The following TBL1XR1 variants were observed in gnomAD, a reference collection of about 807,000 sequenced individuals.
TBL1XR1 encodes the protein TBL1X/Y related 1, also known as F-box-like/WD repeat-containing protein TBL1XR1.
A neutral mutation model predicts 66.9 loss-of-function variants in TBL1XR1; 5 were observed. That is an observed-to-expected ratio of 0.07 (90% confidence interval 0.04 to 0.16). TBL1XR1 has a LOEUF of 0.16. TBL1XR1 is among the 10% of genes least tolerant of loss of function. The pLI, the probability that TBL1XR1 is intolerant of heterozygous loss-of-function variation, is 1.00. For synonymous variants in TBL1XR1, 210 were observed against 206.0 expected (o/e 1.02, Z -0.17); for missense variants, 238 against 623.2 (o/e 0.38, Z 6.58).
At chr3:177,105,394 T>G (rs1208526086) in intron 1 of TBL1XR1, among the ~76,000 whole-genome samples, 1 of 151,996 alleles carries the variant, frequency 6.6e-6, no homozygotes, top group Non-Finnish European at 1.5e-5. Flanking sequence ...GCAACGAAGA[T>G]CTAAGAAATA....
chr3:177,159,102 G>T lies in TBL1XR1; in HGVS notation c.-122+38019C>A, dbSNP rs148946398. On this transcript the variant is annotated intron_variant, in intron 1 of 15. Coordinates refer to ENST00000457928, the MANE Select transcript of TBL1XR1 (RefSeq NM_024665.7). ...GAATTTTTTATTTTTAATTCCTGCA[G>T]TGGTAAAGACAGTTTTTACTTATGT... Among the ~76,000 whole-genome samples the T allele has an allele frequency of 4.0e-3, 615 of 152,044 alleles. 5 individuals are homozygous for T. The highest frequency in any genetic ancestry group is 6.4e-3 in the Non-Finnish European group (435 of 67,998).
chr3:177,097,765 T>C (rs576709257), intron 2 of TBL1XR1, among the ~76,000 whole-genome samples: 2 of 152,150 alleles, frequency 1.3e-5, no homozygotes, highest in South Asian at 4.2e-4. Context: ...TGGACAAAAA[T>C]AGAAGAGCAA....
intron 4 of TBL1XR1, among the ~76,000 whole-genome samples, chr3:177,052,338 CA>C (rs1026942967): frequency 6.6e-6 from 1 of 152,142 alleles, no homozygotes; most frequent in Non-Finnish European, 1.5e-5. Flanking sequence ...GTCAGAAATA[CA>C]AACAGTACAA....
chr3:177,112,199 C>G (rs1428860729), intron 1 of TBL1XR1, among the ~76,000 whole-genome samples: 6 of 146,296 alleles, frequency 4.1e-5, no homozygotes, highest in Non-Finnish European at 9.0e-5. Flanking sequence ...CCTGCGTCTC[C>G]CGGGTTCAAG....
intron 1 of TBL1XR1, among the ~76,000 whole-genome samples, chr3:177,131,197 G>A (rs546961699): frequency 1.3e-5 from 2 of 151,986 alleles, no homozygotes; most frequent in South Asian, 2.1e-4. Flanking sequence ...GTCAAGCGTA[G>A]GAGACACTTC....
At chr3:177,159,010 A>C (rs1731847642) in intron 1 of TBL1XR1, among the ~76,000 whole-genome samples, 1 of 152,188 alleles carries the variant, frequency 6.6e-6, no homozygotes, top group African/African-American at 2.4e-5. Flanking sequence ...TTAGCATTCA[A>C]AGAGCCTCAA....
At chr3:177,165,559 A>C (rs1248420585) in intron 1 of TBL1XR1, among the ~76,000 whole-genome samples, 2 of 152,186 alleles carry the variant, frequency 1.3e-5, no homozygotes, top group Non-Finnish European at 2.9e-5. Context: ...ACTTGACCTC[A>C]AGACTTCCTA....
chr3:177,147,131 C>T (rs1244187713), intron 1 of TBL1XR1, among the ~76,000 whole-genome samples: 1 of 151,794 alleles, frequency 6.6e-6, no homozygotes, highest in East Asian at 1.9e-4. Context: ...ACTGCAGCCT[C>T]AACCTCCTGG....
intron 1 of TBL1XR1, among the ~76,000 whole-genome samples, chr3:177,193,859 A>C (rs1736479505): frequency 6.6e-6 from 1 of 152,204 alleles, no homozygotes; most frequent in Admixed American, 6.5e-5. Context: ...TCATTTAATA[A>C]TTTTGTGGCC....
chr3:177,185,338 G>A (rs1423119280), intron 1 of TBL1XR1, among the ~76,000 whole-genome samples: 11 of 152,240 alleles, frequency 7.2e-5, no homozygotes, highest in Non-Finnish European at 1.2e-4. Flanking sequence ...GCCAGGGGCA[G>A]TGGCTCACGC....
chr3:177,060,996 A>G (rs569475009), intron 3 of TBL1XR1, among the ~76,000 whole-genome samples: 1 of 152,274 alleles, frequency 6.6e-6, no homozygotes, highest in South Asian at 2.1e-4. Flanking sequence ...TTGAATAGGG[A>G]AGTCCACTTC....
At chr3:177,031,222 A>G (rs374708347) in intron 14 of TBL1XR1, among the ~76,000 whole-genome samples, 2 of 152,194 alleles carry the variant, frequency 1.3e-5, no homozygotes, top group East Asian at 1.9e-4. Flanking sequence ...TAAGGCATAT[A>G]TATCATAGTT....
chr3:177,080,008 G>A (rs1721200518), intron 2 of TBL1XR1: 1 of 152,082 alleles, frequency 6.6e-6, no homozygotes. Context: ...AACACTGAGT[G>A]ATCCTAAAGA....
At chr3:177,193,458 C>G (rs1271021927) in intron 1 of TBL1XR1, among the ~76,000 whole-genome samples, 1 of 151,754 alleles carries the variant, frequency 6.6e-6, no homozygotes, top group Admixed American at 6.6e-5. Flanking sequence ...CTACAGGTAC[C>G]CGCCACCACG....
chr3:177,187,943 C>CTTTTTTTTTTTTTTTTTTTT lies in TBL1XR1; in HGVS notation c.-122+9158_-122+9177dup, dbSNP rs571361204. 1.4e-4 allele frequency among the ~76,000 whole-genome samples: 11 copies of CTTTTTTTTTTTTTTTTTTTT among 77,838 alleles called. 2 individuals are homozygous for CTTTTTTTTTTTTTTTTTTTT. The highest frequency in any genetic ancestry group is 7.3e-4 in the African/African-American group (11 of 15,096). 51.1% of individuals were successfully genotyped at this position (77,838 alleles called of 152,430 possible). A position where few individuals can be genotyped will look rare whatever the true frequency, so the allele number is the denominator to read the frequency against. On this transcript the variant is annotated intron_variant, in intron 1 of 15. Transcript: ENST00000457928. ...GCTTGAGAGTCCAGAGTACAATTTC[C>CTTTTTTTTTTTTTTTTTTTT]TTTTTTTTTTTTTTTTTTTTTTTTG...
intron 1 of TBL1XR1, among the ~76,000 whole-genome samples, chr3:177,118,540 A>AG (rs1726586530): frequency 6.6e-6 from 1 of 152,238 alleles, no homozygotes; most frequent in African/African-American, 2.4e-5. Flanking sequence ...AAAGGAAATA[A>AG]AAAGACAGAC....
chr3:177,124,050 T>C (rs180907859), intron 1 of TBL1XR1, among the ~76,000 whole-genome samples: 123 of 152,158 alleles, frequency 8.1e-4, no homozygotes, highest in Non-Finnish European at 1.3e-3. Context: ...TTCTCACTCT[T>C]CACTGTTACT....
chr3:177,091,124 G>A (rs72622560), intron 2 of TBL1XR1: 12,117 of 152,122 alleles, frequency 0.08, 584 homozygotes, highest in South Asian at 0.19. Context: ...AGGTGGGCAG[G>A]GGGGCAGATT....
intron 1 of TBL1XR1, among the ~76,000 whole-genome samples, chr3:177,185,203 C>T (rs1426697076): frequency 1.3e-5 from 2 of 152,202 alleles, no homozygotes; most frequent in Non-Finnish European, 2.9e-5. Flanking sequence ...TCTTCCACAG[C>T]TTTCTAGAGT....
Sources: allele counts gnomAD v4.1 joint callset (sites outside exome capture counted in the v4.1 genomes callset), GRCh38; gene constraint gnomAD v4.1.1; transcripts MANE v1.5; gene names NCBI Gene and HGNC (gene_info 2026-07-23, HGNC 2026-07-21).